The following SLC30A8 variants were observed in gnomAD, a reference collection of about 807,000 sequenced individuals.
The protein encoded by SLC30A8 is solute carrier family 30 member 8, also known as proton-coupled zinc antiporter SLC30A8.
In SLC30A8, 27 loss-of-function variants were observed where a neutral mutation model predicts 36.9. The observed-to-expected ratio is 0.73, with a 90% CI of 0.54 to 1.01. The LOEUF is 1.01. Among genes scored for constraint, SLC30A8 ranks in the 50% least tolerant of loss-of-function variants. The pLI is 0.00. For missense variants in SLC30A8, 439 were observed against 452.0 expected (o/e 0.97, Z 0.26); for synonymous variants, 164 against 172.4 (o/e 0.95, Z 0.38).
At chr8:117,113,165 A>T (rs187969539) in intron 2 of SLC30A8, among the ~76,000 whole-genome samples, 1 of 152,304 alleles carries the variant, frequency 6.6e-6, no homozygotes, top group East Asian at 1.9e-4. Flanking sequence ...ATCAGCTTTT[A>T]ACCAGGATAC....
At chr8:117,062,832 C>G (rs1818061960) in intron 2 of SLC30A8, among the ~76,000 whole-genome samples, 1 of 152,176 alleles carries the variant, frequency 6.6e-6, no homozygotes, top group East Asian at 1.9e-4. Flanking sequence ...TGGCTGTGAT[C>G]TCATTTCGGG....
At chr8:117,013,294 T>C (rs1289614794) in intron 1 of SLC30A8, among the ~76,000 whole-genome samples, 2 of 152,198 alleles carry the variant, frequency 1.3e-5, no homozygotes, top group African/African-American at 4.8e-5. Context: ...TGTATACAGC[T>C]CACCTTCCTC....
intron 1 of SLC30A8, among the ~76,000 whole-genome samples, chr8:117,143,915 G>C (rs1821780198): frequency 6.6e-6 from 1 of 152,100 alleles, no homozygotes; most frequent in Non-Finnish European, 1.5e-5. Flanking sequence ...CTCCAGGTTT[G>C]ATTCTTGCTT....
chr8:117,007,036 C>T (rs1433516143), intron 1 of SLC30A8: 3 of 128,830 alleles, frequency 2.3e-5, no homozygotes, highest in Non-Finnish European at 4.7e-5. Flanking sequence ...GAACTCCTGA[C>T]CTCAAGTGAT....
At chr8:117,097,406 A>AT (rs1819425560) in intron 2 of SLC30A8, among the ~76,000 whole-genome samples, 1 of 124,130 alleles carries the variant, frequency 8.1e-6, no homozygotes, top group African/African-American at 3.2e-5. Flanking sequence ...CAAAAAAAAA[A>AT]AAAAAAAAAA....
intron 2 of SLC30A8, 136 bp from the exon 3 acceptor site, chr8:117,152,808 T>G (rs1350115589): frequency 1.5e-6 from 1 of 660,472 alleles, no homozygotes; most frequent in African/African-American, 1.8e-5. Context: ...AAGGGGTGAA[T>G]TAAATCAACT....
chr8:116,995,563 G>C (rs151336186), intron 1 of SLC30A8, among the ~76,000 whole-genome samples: 1 of 152,200 alleles, frequency 6.6e-6, no homozygotes, highest in African/African-American at 2.4e-5. Context: ...CCCTGTTGGT[G>C]ACTTGTATGA....
At chr8:117,014,956 C>T (rs1176678830) in intron 1 of SLC30A8, among the ~76,000 whole-genome samples, 3 of 151,702 alleles carry the variant, frequency 2.0e-5, no homozygotes, top group Non-Finnish European at 4.4e-5. Context: ...AGCAAAGGGA[C>T]CTAGACCGAA....
At chr8:117,000,805 A>T (rs1237500666) in intron 1 of SLC30A8, among the ~76,000 whole-genome samples, 1 of 152,146 alleles carries the variant, frequency 6.6e-6, no homozygotes, top group Non-Finnish European at 1.5e-5. Flanking sequence ...GGCTGTGTGA[A>T]CTTGGGTAAG....
chr8:116,951,714 T>C (rs1055974699), intron 1 of SLC30A8, among the ~76,000 whole-genome samples: 17 of 152,126 alleles, frequency 1.1e-4, no homozygotes, highest in African/African-American at 4.1e-4. Context: ...AGCATGAATC[T>C]AACAGTGCAA....
chr8:117,161,792 AGCCAAT>A lies in SLC30A8; in HGVS notation c.632_637del (p.Asn211_Ala212del). 1.2e-6 allele frequency: 2 copies of A among 1,613,978 alleles called. No individual in the cohort carries two copies. Among genetic ancestry groups the A allele is most frequent in the Non-Finnish European group, 1.7e-6 (2 of 1,179,888 alleles). On this transcript the variant is annotated inframe_deletion, in exon 5 of 8. Coordinates refer to ENST00000456015, the MANE Select transcript of SLC30A8 (RefSeq NM_173851.3). ...TTGGCCACAATCACAAGGAAGTACAAGCCAATGCCAGCGTCAGAGCTGCTTTTGTGC... is the reference window on the plus strand; with the variant it reads ...TTGGCCACAATCACAAGGAAGTACAAGCCAGCGTCAGAGCTGCTTTTGTGC...
chr8:117,172,423 C>T lies in SLC30A8; in HGVS notation c.965-113C>T, dbSNP rs924954120. The T allele has an allele frequency of 7.7e-6, 11 of 1,430,880 alleles. No homozygotes were observed. In the African/African-American group the frequency reaches 1.4e-4, roughly 18 times the overall value. The allele number at this position is 1,430,880 out of a possible 1,614,324, so 88.6% of individuals were successfully genotyped here. Reference sequence around the variant, plus strand: ...GCAAACGTGGCTTCCTCTGAGTGCCCTGCCTCTGCCCCACCCCAGCAGGTC... The same window carrying T: ...GCAAACGTGGCTTCCTCTGAGTGCCTTGCCTCTGCCCCACCCCAGCAGGTC... On this transcript the variant is annotated intron_variant, in intron 7 of 7. Coordinates refer to ENST00000456015, the MANE Select transcript of SLC30A8 (RefSeq NM_173851.3).
chr8:117,057,327 C>T (rs182288400), intron 2 of SLC30A8, among the ~76,000 whole-genome samples: 92 of 152,198 alleles, frequency 6.0e-4, no homozygotes, highest in African/African-American at 2.0e-3. Context: ...TATTGTATAA[C>T]GCTTACCACA....
intron 7 of SLC30A8, 78 bp from the exon 8 acceptor site, chr8:117,172,458 G>A: frequency 1.9e-6 from 3 of 1,598,728 alleles, no homozygotes; most frequent in Non-Finnish European, 2.6e-6. Flanking sequence ...CAAAGACAAA[G>A]TACTTGAAGT....
rs145817494 is a variant in SLC30A8 at position 116,957,431 on chromosome 8, C to T, written c.-266+6312C>T. Among the ~76,000 whole-genome samples, 266 of 152,020 alleles carry T rather than the reference C, an allele frequency of 1.7e-3. 7 individuals carry two copies. The East Asian group carries it at 0.036, about 20-fold the overall frequency. On this transcript the variant is annotated intron_variant, in intron 1 of 10. Coordinates refer to the SLC30A8 transcript ENST00000427715. The stretch of plus-strand genomic sequence containing the variant: ...GATTACAGGCATGTGCCACCATGCT[C>T]GGCTAATTTTTGTACTTTTAGTAGA...
At position 117,173,390 on chromosome 8, in the gene SLC30A8, G is replaced by T. The variant is rs1049725559; in HGVS notation, c.*709G>T. On this transcript the variant is annotated 3_prime_UTR_variant, in exon 8 of 8. Coordinates refer to ENST00000456015, the MANE Select transcript of SLC30A8 (RefSeq NM_173851.3). The stretch of plus-strand genomic sequence containing the variant: ...TGCTTAAACACTGGCACCAGCCAAA[G>T]AATGTGGTTGTAGAGACCCAGAAGT... 2 of 152,118 alleles carry T rather than the reference G, an allele frequency of 1.3e-5. No homozygotes were observed. Among genetic ancestry groups the T allele is most frequent in the African/African-American group, 4.8e-5 (2 of 41,436 alleles). 9.4% of individuals were successfully genotyped at this position (152,118 alleles called of 1,614,324 possible).
intron 1 of SLC30A8, among the ~76,000 whole-genome samples, chr8:117,005,236 AT>A (rs1243684563): frequency 1.3e-5 from 2 of 151,994 alleles, no homozygotes; most frequent in Non-Finnish European, 2.9e-5. Context: ...GTCTGTGTAG[AT>A]TTTTTATTCT....
intron 6 of SLC30A8, 85 bp downstream of exon 6, chr8:117,163,615 A>G: frequency 1.1e-6 from 1 of 935,588 alleles, no homozygotes; most frequent in Non-Finnish European, 1.6e-6. Flanking sequence ...AGGCATGCTC[A>G]CTGTTAATTT....
chr8:117,103,294 AC>A (rs2130862193), intron 2 of SLC30A8, among the ~76,000 whole-genome samples: 1 of 152,150 alleles, frequency 6.6e-6, no homozygotes, highest in East Asian at 1.9e-4. Flanking sequence ...CAAGTTTGCA[AC>A]CCAGCAAGAC....
Sources: allele counts gnomAD v4.1 joint callset (sites outside exome capture counted in the v4.1 genomes callset), GRCh38; gene constraint gnomAD v4.1.1; transcripts MANE v1.5; gene names NCBI Gene and HGNC (gene_info 2026-07-23, HGNC 2026-07-21).